Variants in CELF2 observed in about 807,000 individuals in gnomAD.
CELF2 encodes the protein CUGBP Elav-like family member 2, also known as CUG triplet repeat RNA-binding protein 2.
Under a neutral mutation model 62.6 loss-of-function variants are expected in CELF2, and 8 were observed. That is an observed-to-expected ratio of 0.13 (90% confidence interval 0.07 to 0.23). The LOEUF (loss-of-function observed/expected upper bound fraction) is 0.23. Ranked by LOEUF, CELF2 falls within the 10% of genes least tolerant of loss-of-function variation. The pLI, the probability that CELF2 is intolerant of heterozygous loss-of-function variation, is 1.00. For synonymous variants in CELF2, 258 were observed against 250.0 expected, an observed-to-expected ratio of 1.03 and a Z score of -0.30; for missense variants, 333 against 671.0, an observed-to-expected ratio of 0.50 and a Z score of 5.56.
chr10:10,823,910 A>G (rs950718328), intron 1 of CELF2, among the ~76,000 whole-genome samples: 3 of 152,094 alleles, frequency 2.0e-5, no homozygotes, highest in Non-Finnish European at 2.9e-5. Flanking sequence ...GTGTGTGTGT[A>G]CGTGTGGATA....
chr10:10,616,040 A>G, the CELF2 span, among the ~76,000 whole-genome samples: 1 of 152,118 alleles, frequency 6.6e-6, no homozygotes, highest in African/African-American at 2.4e-5. Flanking sequence ...TCAACATTAT[A>G]TGTTTAATGA....
chr10:10,501,507 CAT>C, the CELF2 span, among the ~76,000 whole-genome samples: 39 of 152,162 alleles, frequency 2.6e-4, 1 homozygote, highest in South Asian at 7.7e-3. Context: ...ATTCTGAATA[CAT>C]GTTTTTTATA....
At chr10:10,507,494 G>T in the CELF2 span, among the ~76,000 whole-genome samples, 1 of 152,130 alleles carries the variant, frequency 6.6e-6, no homozygotes, top group Non-Finnish European at 1.5e-5. Flanking sequence ...AAATACTAAG[G>T]ATTGGGGCTG....
chr10:11,093,538 T>C (rs2142053139), intron 1 of CELF2, among the ~76,000 whole-genome samples: 1 of 152,350 alleles, frequency 6.6e-6, no homozygotes, highest in African/African-American at 2.4e-5. Context: ...GCTCCGTAAT[T>C]GTAGCAAATC....
intron 1 of CELF2, among the ~76,000 whole-genome samples, chr10:10,852,796 AAC>A (rs1300789773): frequency 6.6e-6 from 1 of 152,174 alleles, no homozygotes; most frequent in Admixed American, 6.6e-5. Context: ...GAAAACTTTA[AAC>A]ACACACACAC....
chr10:11,240,535 T>C (rs1483535456), intron 3 of CELF2, among the ~76,000 whole-genome samples: 1 of 152,250 alleles, frequency 6.6e-6, no homozygotes, highest in Non-Finnish European at 1.5e-5. Context: ...GATCCAAGCA[T>C]AGATTTAGCT....
chr10:11,016,284 C>T (rs562646526), upstream of CELF2, among the ~76,000 whole-genome samples: 1 of 152,174 alleles, frequency 6.6e-6, no homozygotes, highest in Non-Finnish European at 1.5e-5. This position sits in a 1 kb window ranked among gnomAD's most constrained non-coding sequence, Gnocchi z 5.2. Context: ...AGAATTCACT[C>T]GATTGCAACC....
intron 1 of CELF2, among the ~76,000 whole-genome samples, chr10:11,083,241 C>A (rs1009648093): frequency 3.3e-5 from 5 of 152,284 alleles, no homozygotes; most frequent in African/African-American, 1.2e-4. Flanking sequence ...GTGAAAGGAC[C>A]ATTATCACTT....
At chr10:11,195,803 T>G (rs1200253784) in intron 2 of CELF2, among the ~76,000 whole-genome samples, 1 of 152,194 alleles carries the variant, frequency 6.6e-6, no homozygotes, top group Non-Finnish European at 1.5e-5. Context: ...TCTGAGGCCT[T>G]GTTCCACGTG....
At chr10:10,967,097 A>G (rs11256938) in intron 2 of CELF2, among the ~76,000 whole-genome samples, 19,278 of 152,282 alleles carry the variant, frequency 0.13, 1,296 homozygotes, top group Middle Eastern at 0.24. Context: ...AGGTTCACGG[A>G]GACTCCGGTG....
chr10:10,708,371 A>T, the CELF2 span, among the ~76,000 whole-genome samples: 2 of 152,224 alleles, frequency 1.3e-5, no homozygotes, highest in East Asian at 3.8e-4. Flanking sequence ...GCTGAGAGAC[A>T]TTAGTACTCT....
the CELF2 span, among the ~76,000 whole-genome samples, chr10:10,560,081 T>C: frequency 2.3e-3 from 352 of 152,308 alleles, 1 homozygote; most frequent in African/African-American, 8.1e-3. Flanking sequence ...ATCCTCAATC[T>C]GGCTGAAATC....
At chr10:10,521,928 T>C in the CELF2 span, among the ~76,000 whole-genome samples, 1 of 152,134 alleles carries the variant, frequency 6.6e-6, no homozygotes, top group Non-Finnish European at 1.5e-5. Flanking sequence ...TACCAGATAA[T>C]GAGGACGGAA....
intron 2 of CELF2, among the ~76,000 whole-genome samples, chr10:11,216,443 A>G (rs1251817194): frequency 6.6e-6 from 1 of 152,106 alleles, no homozygotes; most frequent in East Asian, 1.9e-4. Flanking sequence ...TTTTTCCTCA[A>G]CCACTTACCA....
upstream of CELF2, among the ~76,000 whole-genome samples, chr10:11,003,640 G>T (rs2054745395): frequency 6.6e-6 from 1 of 152,054 alleles, no homozygotes; most frequent in African/African-American, 2.4e-5. The surrounding 1 kb of genome is among the most constrained non-coding windows in gnomAD (Gnocchi z 4.4). Context: ...AGAGACTTCT[G>T]CCCCAGCACC....
intron 8 of CELF2, among the ~76,000 whole-genome samples, chr10:11,283,856 T>A (rs1214553357): frequency 7.5e-6 from 1 of 133,750 alleles, no homozygotes; most frequent in African/African-American, 2.9e-5. Context: ...GAGGGATGAG[T>A]GTGTGGTGGG....
intron 1 of CELF2, among the ~76,000 whole-genome samples, chr10:10,857,648 A>ATATATATAT (rs1564727117): frequency 1.0e-4 from 4 of 38,812 alleles, no homozygotes; most frequent in African/African-American, 3.1e-4. Flanking sequence ...ACATATATAT[A>ATATATATAT]GTATATATAT....
the CELF2 span, among the ~76,000 whole-genome samples, chr10:10,629,938 C>T: frequency 0.011 from 1,549 of 146,356 alleles, 122 homozygotes; most frequent in East Asian, 0.22. Context: ...AGATGTCTTG[C>T]TCCTAAAGGA....
Position 11,005,979 on chromosome 10 carries a change from G to T in CELF2, c.53+539G>T, listed in dbSNP as rs990224977. ...CCGTTTGGAGACCTCTTTCATGCAT[G>T]GCGTCCTGGGTCCCCATGTATTGAA... On this transcript the variant is annotated intron_variant, in intron 1 of 12. Transcript: ENST00000416382. The surrounding 1 kb of genome is among the most constrained non-coding windows in gnomAD (Gnocchi z 4.3). Among the ~76,000 whole-genome samples, 2 of 152,120 alleles carry T rather than the reference G, an allele frequency of 1.3e-5. No homozygotes were observed. The highest frequency in any genetic ancestry group is 2.9e-5 in the Non-Finnish European group (2 of 68,028).
Sources: gnomAD v4.1 joint callset for allele counts (sites outside exome capture counted in the v4.1 genomes callset) on GRCh38, gnomAD v4.1.1 for gene constraint, Gnocchi (gnomAD v3.1) non-coding constraint, MANE v1.5 for transcripts, NCBI Gene and HGNC (gene_info 2026-07-23, HGNC 2026-07-21) for gene names.